The following ALK variants were observed in gnomAD, a reference collection of about 807,000 sequenced individuals.
ALK encodes the protein ALK receptor tyrosine kinase, also known as ALK tyrosine kinase receptor.
ALK carries 74 observed loss-of-function variants against 163.1 expected under a neutral mutation model. The observed-to-expected ratio is 0.45, with a 90% CI of 0.38 to 0.55. ALK has a LOEUF of 0.55. Ranked by LOEUF, ALK falls within the 20% of genes least tolerant of loss-of-function variation. The pLI is 0.00. For missense variants in ALK, 2,063 were observed against 2,105.3 expected, an observed-to-expected ratio of 0.98 and a Z score of 0.39; for synonymous variants, 960 against 843.2, an observed-to-expected ratio of 1.14 and a Z score of -2.40.
chr2:29,301,432 C>G (rs755694155), intron 8 of ALK, among the ~76,000 whole-genome samples: 1 of 152,158 alleles, frequency 6.6e-6, no homozygotes, highest in Non-Finnish European at 1.5e-5. Context: ...AGCAAGGGCA[C>G]GTTGTAGGAA....
chr2:29,284,839 T>C (rs4665451), intron 9 of ALK, among the ~76,000 whole-genome samples: 136,678 of 152,222 alleles, frequency 0.9, 62,534 homozygotes, highest in Non-Finnish European at 0.99. Context: ...TTGCACATCG[T>C]GTGCTGAGCC....
intron 4 of ALK, among the ~76,000 whole-genome samples, chr2:29,461,328 AAC>A (rs945754451): frequency 2.2e-4 from 34 of 152,222 alleles, no homozygotes; most frequent in African/African-American, 8.0e-4. Context: ...TACACTACAC[AAC>A]AGATTTTCAA....
At chr2:29,421,243 G>A (rs995671229) in intron 4 of ALK, among the ~76,000 whole-genome samples, 6 of 151,556 alleles carry the variant, frequency 4.0e-5, no homozygotes, top group Non-Finnish European at 7.3e-5. Context: ...GCAGGAGGCC[G>A]CCTTTGGTGA....
intron 4 of ALK, among the ~76,000 whole-genome samples, chr2:29,527,242 CT>C (rs1483685111): frequency 1.3e-5 from 2 of 152,194 alleles, no homozygotes; most frequent in African/African-American, 4.8e-5. Flanking sequence ...GTTAAATTAC[CT>C]TGGCACATTT....
intron 8 of ALK, among the ~76,000 whole-genome samples, chr2:29,307,192 G>T (rs896373002): frequency 5.3e-5 from 8 of 152,166 alleles, no homozygotes; most frequent in African/African-American, 1.9e-4. Flanking sequence ...AGAAAATACT[G>T]TGTGTTCAAA....
chr2:29,351,730 C>A (rs1344130334), intron 5 of ALK, among the ~76,000 whole-genome samples: 2 of 152,090 alleles, frequency 1.3e-5, no homozygotes, highest in Non-Finnish European at 2.9e-5. Context: ...TAATGTGGGC[C>A]AGGTATAATT....
intron 1 of ALK, among the ~76,000 whole-genome samples, chr2:29,818,486 A>ACC (rs1664957367): frequency 6.6e-6 from 1 of 152,240 alleles, no homozygotes; most frequent in African/African-American, 2.4e-5. Flanking sequence ...TGCCTTGCAT[A>ACC]CCCAACACGC....
chr2:29,337,261 T>G (rs1470457289), intron 5 of ALK, among the ~76,000 whole-genome samples: 3 of 152,200 alleles, frequency 2.0e-5, no homozygotes, highest in African/African-American at 7.2e-5. Context: ...CTTGGGTTTC[T>G]ATGACTCAAA....
chr2:29,221,127 A>T, intron 22 of ALK: 2 of 577,268 alleles, frequency 3.5e-6, no homozygotes, highest in Non-Finnish European at 6.8e-6. Flanking sequence ...GGGGCAGGAG[A>T]GTGTCTTTCT....
At chr2:29,338,451 A>G (rs1667690508) in intron 5 of ALK, among the ~76,000 whole-genome samples, 1 of 152,150 alleles carries the variant, frequency 6.6e-6, no homozygotes, top group African/African-American at 2.4e-5. Context: ...AAACATCGGG[A>G]TGTGCAGTTC....
chr2:29,391,131 T>C (rs527852908), intron 4 of ALK, among the ~76,000 whole-genome samples: 130 of 152,040 alleles, frequency 8.6e-4, no homozygotes, highest in Non-Finnish European at 1.5e-3. Flanking sequence ...TGTAAAGCAG[T>C]TTTCATTTCA....
chr2:29,238,109 C>T (rs901792587), intron 13 of ALK, among the ~76,000 whole-genome samples: 9 of 152,108 alleles, frequency 5.9e-5, no homozygotes, highest in African/African-American at 9.7e-5. Flanking sequence ...CCAGTGTGGC[C>T]GGGTACATAG....
chr2:29,520,973 G>C (rs772440131), intron 4 of ALK, among the ~76,000 whole-genome samples: 2 of 152,172 alleles, frequency 1.3e-5, no homozygotes, highest in Non-Finnish European at 2.9e-5. Context: ...GCCAGGAGAA[G>C]TCACTGAGAT....
At chr2:29,214,827 G>T (rs911733771) in intron 23 of ALK, among the ~76,000 whole-genome samples, 1 of 152,064 alleles carries the variant, frequency 6.6e-6, no homozygotes, top group Admixed American at 6.5e-5. Flanking sequence ...TTCATGCAGT[G>T]TCCGAGTCAC....
chr2:29,232,293 C>A lies in ALK; in HGVS notation c.2632+11G>T, dbSNP rs966288170. ...GAGGTTCTGGGAGAGGGCACGCTTG[C>A]AGCGCTTTACCTGCGGCTCCGGAAT... On this transcript the variant is annotated intron_variant, in intron 15 of 28. Transcript: ENST00000389048. 4.3e-6 allele frequency: 7 copies of A among 1,613,482 alleles called. No individual in the cohort carries two copies. Among genetic ancestry groups the A allele is most frequent in the Non-Finnish European group, 8.5e-7 (1 of 1,180,044 alleles).
chr2:29,510,133 A>G (rs6759812), intron 4 of ALK, among the ~76,000 whole-genome samples: 151,772 of 152,278 alleles, frequency 1, 75,638 homozygotes, highest in Non-Finnish European at 1. Flanking sequence ...AGAAGAAGTA[A>G]AAAGGCTGCT....
At chr2:29,806,481 G>C (rs1333937826) in intron 1 of ALK, among the ~76,000 whole-genome samples, 1 of 152,150 alleles carries the variant, frequency 6.6e-6, no homozygotes, top group Non-Finnish European at 1.5e-5. Context: ...GGGAGAGAAG[G>C]AGCCGCCAGC....
intron 4 of ALK, among the ~76,000 whole-genome samples, chr2:29,480,805 A>C (rs1671644384): frequency 6.6e-6 from 1 of 151,722 alleles, no homozygotes; most frequent in East Asian, 1.9e-4. Context: ...AAAAAAAAAA[A>C]AAAAAAAAAG....
At chr2:29,275,019 C>A in intron 11 of ALK, 80 bp downstream of exon 11, 1 of 1,576,208 alleles carries the variant, frequency 6.3e-7, no homozygotes, top group Non-Finnish European at 8.7e-7. Context: ...CAGCTCCCCA[C>A]CCTAAAGACA....
Sources: allele counts gnomAD v4.1 joint callset (sites outside exome capture counted in the v4.1 genomes callset), GRCh38; gene constraint gnomAD v4.1.1; transcripts MANE v1.5; gene names NCBI Gene and HGNC (gene_info 2026-07-23, HGNC 2026-07-21).